Variants in MYOCD observed in about 807,000 individuals in gnomAD.
MYOCD encodes myocardin.
MYOCD carries 32 observed loss-of-function variants against 96.1 expected under a neutral mutation model. The ratio of observed to expected loss-of-function variants is 0.33; its 90% CI spans 0.25 to 0.45. The LOEUF (loss-of-function observed/expected upper bound fraction) is 0.45. Ranked by LOEUF, MYOCD falls within the 20% of genes least tolerant of loss-of-function variation. MYOCD has a pLI of 1.00. For synonymous variants in MYOCD, 469 were observed against 469.0 expected, an observed-to-expected ratio of 1.00 and a Z score of 0.00; for missense variants, 1,133 against 1,200.6, an observed-to-expected ratio of 0.94 and a Z score of 0.83.
intron 2 of MYOCD, among the ~76,000 whole-genome samples, chr17:12,713,638 A>C (rs942044835): frequency 1.3e-5 from 2 of 152,200 alleles, no homozygotes; most frequent in African/African-American, 4.8e-5. Context: ...ATTGATACAG[A>C]TTGTGTAGAT....
chr17:12,715,436 C>A, intron 2 of MYOCD, 83 bp from the exon 3 acceptor site: 2 of 1,197,728 alleles, frequency 1.7e-6, no homozygotes, highest in South Asian at 1.3e-5. Flanking sequence ...GTGCATAGCT[C>A]AGCAAGCACA....
rs1385304935 is a variant in MYOCD, at chr17:12,767,163, T to C, written c.*3519T>C. 6.6e-6 allele frequency: 1 copy of C among 152,188 alleles called. No individual in the cohort carries two copies. Among genetic ancestry groups the C allele is most frequent in the African/African-American group, 2.4e-5 (1 of 41,446 alleles). 9.4% of individuals were successfully genotyped at this position (152,188 alleles called of 1,614,324 possible). On this transcript the variant is annotated 3_prime_UTR_variant, in exon 14 of 14. Transcript: ENST00000425538. The stretch of plus-strand genomic sequence containing the variant: ...CATTATGAGAAGTAAATCAGAATTT[T>C]TTTAAGGAGAAGTCATTCTTAGCAC...
rs7217163 is a variant in MYOCD, at chr17:12,735,343, T to C, written c.416-818T>C. Among the ~76,000 whole-genome samples the C allele has an allele frequency of 7.7e-5, 4 of 52,118 alleles. No homozygotes were observed. The East Asian group carries it at 3.7e-3, about 48-fold the overall frequency. 34.2% of individuals were successfully genotyped at this position (52,118 alleles called of 152,430 possible). On this transcript the variant is annotated intron_variant, in intron 5 of 13. Transcript: ENST00000425538. ...CCAGATGAAATTTGGCAAATAAAAA[T>C]GTAAGGATGTCATTCTAGTCCCATC... is the stretch of plus-strand genomic sequence containing the variant.
intron 1 of MYOCD, among the ~76,000 whole-genome samples, chr17:12,690,472 T>TA (rs1317777838): frequency 1.3e-5 from 2 of 152,028 alleles, no homozygotes; most frequent in African/African-American, 4.8e-5. Flanking sequence ...ATTAAATAGA[T>TA]ATTGAAGCAT....
intron 9 of MYOCD, among the ~76,000 whole-genome samples, chr17:12,752,045 A>G (rs1473188327): frequency 1.3e-5 from 2 of 152,168 alleles, no homozygotes; most frequent in Non-Finnish European, 2.9e-5. Context: ...GCTGTACTTC[A>G]AGACTATTGT....
At position 12,763,813 on chromosome 17, in the gene MYOCD, T is replaced by C; in HGVS notation, c.*169T>C. 1 of 568,168 alleles carries C rather than the reference T, an allele frequency of 1.8e-6. No individual in the cohort carries two copies. Among genetic ancestry groups the C allele is most frequent in the East Asian group, 3.0e-5 (1 of 33,228 alleles). The allele number at this position is 568,168 out of a possible 1,614,324, so 35.2% of individuals were successfully genotyped here. ...CAAAAGTCATTTTTAGAAATACATA[T>C]ACTGTAATATTTACCAACAGTCAGT... On this transcript the variant is annotated 3_prime_UTR_variant, in exon 14 of 14. Coordinates refer to ENST00000425538, the MANE Select transcript of MYOCD (RefSeq NM_001146312.3).
intron 11 of MYOCD, 53 bp downstream of exon 11, chr17:12,756,610 T>C: frequency 6.8e-7 from 1 of 1,473,776 alleles, no homozygotes; most frequent in Non-Finnish European, 9.1e-7. Flanking sequence ...CTCTTCTCTC[T>C]TCTGTAACCC....
chr17:12,760,513 G>A, intron 12 of MYOCD, 137 bp from the exon 13 acceptor site: 2 of 674,716 alleles, frequency 3.0e-6, no homozygotes, highest in South Asian at 1.7e-5. Context: ...TTAAAGTTAT[G>A]TGTATTTTGC....
intron 9 of MYOCD, 52 bp downstream of exon 9, chr17:12,746,124 T>C (rs368274221): frequency 1.1e-4 from 176 of 1,585,632 alleles, no homozygotes; most frequent in Non-Finnish European, 1.4e-4. Context: ...TACAACAGTA[T>C]GTTGTTAACA....
intron 1 of MYOCD, among the ~76,000 whole-genome samples, chr17:12,689,140 C>T (rs899528125): frequency 3.3e-5 from 5 of 152,082 alleles, no homozygotes; most frequent in South Asian, 2.1e-4. Flanking sequence ...CCCTAAAATC[C>T]TCAGTACATT....
intron 2 of MYOCD, among the ~76,000 whole-genome samples, chr17:12,711,746 G>A (rs549359867): frequency 1.3e-5 from 2 of 152,044 alleles, no homozygotes; most frequent in South Asian, 4.2e-4. Flanking sequence ...TGAAGTCCTA[G>A]GTTCCCAACA....
rs1463715795 is a variant in MYOCD, at chr17:12,752,490, T to C, written c.1202T>C (p.Leu401Pro). The change falls in exon 10 of 14, where the codon CTT (leucine) becomes CCT (proline). Residue 401 changes from leucine to proline, a missense_variant. Physicochemically the swap from Leu to Pro is moderately conservative, Grantham distance 98. Coordinates refer to ENST00000425538, the MANE Select transcript of MYOCD (RefSeq NM_001146312.3). Reference protein sequence around the residue: ...SGTKTALMDRLRPFQDCSGNP... With the variant: ...SGTKTALMDRPRPFQDCSGNP... Reference sequence around the variant, plus strand: ...ACCAAAACGGCTCTCATGGACCGGCTTCGACCCTTCCAGGACTGCTCTGGC... The same window carrying C: ...ACCAAAACGGCTCTCATGGACCGGCCTCGACCCTTCCAGGACTGCTCTGGC... The C allele has an allele frequency of 6.2e-7, 1 of 1,614,078 alleles. No homozygotes were observed. The highest frequency in any genetic ancestry group is 8.5e-7 in the Non-Finnish European group (1 of 1,180,038).
intron 1 of MYOCD, among the ~76,000 whole-genome samples, chr17:12,702,086 C>T (rs546561740): frequency 2.8e-4 from 43 of 152,120 alleles, no homozygotes; most frequent in African/African-American, 9.9e-4. Context: ...CTCAAATCCT[C>T]TATGTCATTA....
chr17:12,714,495 G>C (rs926293045), intron 2 of MYOCD, among the ~76,000 whole-genome samples: 1 of 151,738 alleles, frequency 6.6e-6, no homozygotes, highest in Non-Finnish European at 1.5e-5. Context: ...AAGTTGTCCA[G>C]ACATACAATT....
At chr17:12,714,746 T>C (rs575120233) in intron 2 of MYOCD, among the ~76,000 whole-genome samples, 1 of 152,224 alleles carries the variant, frequency 6.6e-6, no homozygotes, top group African/African-American at 2.4e-5. Flanking sequence ...AGGCTGGCAT[T>C]CCATCCAGGT....
At chr17:12,700,399 ATTTTTTTTTTTTTTTT>A (rs952565560) in intron 1 of MYOCD, among the ~76,000 whole-genome samples, 2 of 76,900 alleles carry the variant, frequency 2.6e-5, no homozygotes, top group African/African-American at 1.2e-4. Context: ...CAATGGGAGA[ATTTTTTTTTTTTTTTT>A]TTTTTTTTTT....
chr17:12,696,691 T>TTCA (rs2030768280), intron 1 of MYOCD, among the ~76,000 whole-genome samples: 1 of 152,222 alleles, frequency 6.6e-6, no homozygotes, highest in African/African-American at 2.4e-5. Flanking sequence ...GTTCCCTTTG[T>TTCA]TCATACTGTT....
chr17:12,691,003 C>G (rs1312460563), intron 1 of MYOCD, among the ~76,000 whole-genome samples: 2 of 152,160 alleles, frequency 1.3e-5, no homozygotes, highest in Non-Finnish European at 2.9e-5. Context: ...CAACAACTTC[C>G]TAATCCCTTT....
intron 4 of MYOCD, 149 bp from the exon 5 acceptor site, chr17:12,722,698 T>C (rs374806022): frequency 9.4e-6 from 6 of 637,782 alleles, no homozygotes; most frequent in Middle Eastern, 4.1e-4. Context: ...TGCTAATCCC[T>C]GTAAAGTGAT....
Sources: gnomAD v4.1 joint callset for allele counts (sites outside exome capture counted in the v4.1 genomes callset) on GRCh38, gnomAD v4.1.1 for gene constraint, MANE v1.5 for transcripts, NCBI Gene and HGNC (gene_info 2026-07-23, HGNC 2026-07-21) for gene names.